The following MBTD1 variants were observed in gnomAD, a reference collection of about 807,000 sequenced individuals.
MBTD1 encodes mbt domain containing 1, also known as MBT domain-containing protein 1.
MBTD1 carries 24 observed loss-of-function variants against 87.8 expected under a neutral mutation model. That is an observed-to-expected ratio of 0.27 (90% confidence interval 0.20 to 0.38). MBTD1 has a LOEUF of 0.38. Ranked by LOEUF, MBTD1 falls within the 10% of genes least tolerant of loss-of-function variation. The probability of loss-of-function intolerance (pLI) is 1.00; values close to 1 mark genes in which losing one functional copy is unlikely to be tolerated. For synonymous variants in MBTD1, 237 were observed against 248.6 expected (o/e 0.95, Z 0.44); for missense variants, 436 against 760.2 (o/e 0.57, Z 5.02).
intron 1 of MBTD1, 150 bp downstream of exon 1, chr17:51,259,685 G>C (rs911201197): frequency 1.5e-6 from 1 of 676,244 alleles, no homozygotes; most frequent in African/African-American, 1.9e-5. Context: ...ACGGCTGGAA[G>C]GGGGAGGGGG....
chr17:51,229,464 C>T (rs533157134), intron 2 of MBTD1, among the ~76,000 whole-genome samples: 17 of 152,226 alleles, frequency 1.1e-4, no homozygotes, highest in African/African-American at 4.1e-4. Context: ...AAACCATCCA[C>T]ATGTCATTGT....
intron 3 of MBTD1, among the ~76,000 whole-genome samples, chr17:51,221,881 C>T (rs117187078): frequency 0.015 from 2,256 of 152,224 alleles, 35 homozygotes; most frequent in Non-Finnish European, 0.021. Flanking sequence ...GAACCAATCC[C>T]CCATGGATAC....
At chr17:51,258,716 G>A (rs1413741286) in intron 2 of MBTD1, among the ~76,000 whole-genome samples, 1 of 152,164 alleles carries the variant, frequency 6.6e-6, no homozygotes, top group African/African-American at 2.4e-5. Flanking sequence ...GAACCACGGA[G>A]ATGACGCTGA....
intron 6 of MBTD1, among the ~76,000 whole-genome samples, chr17:51,210,001 G>C (rs1194570159): frequency 6.6e-6 from 1 of 152,058 alleles, no homozygotes; most frequent in Non-Finnish European, 1.5e-5. Flanking sequence ...TCTCCATAAA[G>C]TCCACTCACC....
chr17:51,246,568 T>C (rs1028858506), intron 2 of MBTD1, among the ~76,000 whole-genome samples: 7 of 152,224 alleles, frequency 4.6e-5, no homozygotes, highest in Non-Finnish European at 8.8e-5. Flanking sequence ...TCACTGATTT[T>C]TCTAAGGCTT....
intron 6 of MBTD1, among the ~76,000 whole-genome samples, chr17:51,210,939 C>T (rs2052162658): frequency 6.6e-6 from 1 of 151,830 alleles, no homozygotes; most frequent in Non-Finnish European, 1.5e-5. Flanking sequence ...GAGTTCAAGA[C>T]CAGCCTGACC....
At chr17:51,182,704 T>A (rs1053319333) in intron 16 of MBTD1, among the ~76,000 whole-genome samples, 1 of 152,108 alleles carries the variant, frequency 6.6e-6, no homozygotes, top group Non-Finnish European at 1.5e-5. Context: ...AGGGTAAAAG[T>A]TCTTCATTTT....
chr17:51,179,484 TTATA>T lies in MBTD1; in HGVS notation c.*1088_*1091del, dbSNP rs56750454. 204 of 35,104 alleles carry T rather than the reference TTATA, an allele frequency of 5.8e-3. No homozygotes were observed. Among genetic ancestry groups the T allele is most frequent in the Middle Eastern group, 0.02 (1 of 50 alleles). The allele number at this position is 35,104 out of a possible 1,614,324, so 2.2% of individuals were successfully genotyped here. ...ATCCTGAATACAATTAAAGACAATT[TTATA>T]TATATATATATATATATATATATAT... is the stretch of plus-strand genomic sequence containing the variant. On this transcript the variant is annotated 3_prime_UTR_variant, in exon 17 of 17. Coordinates refer to ENST00000586178, the MANE Select transcript of MBTD1 (RefSeq NM_017643.3).
Position 51,184,139 on chromosome 17 carries a change from G to A in MBTD1, c.1769-3445C>T, listed in dbSNP as rs573224181. The A allele has an allele frequency of 2.0e-5, 3 of 152,324 alleles. No homozygotes were observed. The South Asian group carries it at 6.2e-4, about 32-fold the overall frequency. The allele number at this position is 152,324 out of a possible 1,614,324, so 9.4% of individuals were successfully genotyped here. A position where few individuals can be genotyped will look rare whatever the true frequency, so the allele number is the denominator to read the frequency against. On this transcript the variant is annotated intron_variant, in intron 16 of 16. Coordinates refer to ENST00000586178, the MANE Select transcript of MBTD1 (RefSeq NM_017643.3). ...ATAAAGGTGAAACACTCACTCAGAT[G>A]TGCAATGTTTTAATGTAAAGTTTCA...
chr17:51,192,700 T>G (rs1428329889), intron 15 of MBTD1, 82 bp downstream of exon 15: 2 of 1,573,884 alleles, frequency 1.3e-6, no homozygotes, highest in Non-Finnish European at 1.7e-6. Flanking sequence ...TCCTGTGAGC[T>G]CATAAGATGA....
intron 16 of MBTD1, among the ~76,000 whole-genome samples, chr17:51,181,021 CTTTTT>C (rs57226972): frequency 4.1e-5 from 5 of 122,748 alleles, no homozygotes; most frequent in Non-Finnish European, 1.7e-5. Flanking sequence ...GAAGTACAAT[CTTTTT>C]TTTTTTTTTT....
At chr17:51,227,303 G>A (rs961163365) in intron 2 of MBTD1, among the ~76,000 whole-genome samples, 4 of 150,444 alleles carry the variant, frequency 2.7e-5, no homozygotes, top group Non-Finnish European at 5.9e-5. Context: ...GCTCGCATCT[G>A]TAATCCTAGT....
intron 6 of MBTD1, among the ~76,000 whole-genome samples, chr17:51,210,357 G>A (rs892941569): frequency 2.0e-5 from 3 of 152,146 alleles, no homozygotes; most frequent in Non-Finnish European, 4.4e-5. Context: ...CAGATGGGGA[G>A]TCCAAGGAGA....
intron 7 of MBTD1, among the ~76,000 whole-genome samples, chr17:51,206,405 G>GCT (rs1466676612): frequency 1.3e-5 from 2 of 152,050 alleles, no homozygotes; most frequent in Non-Finnish European, 2.9e-5. Flanking sequence ...ACTGTGGCCA[G>GCT]CTCTTACCAC....
intron 2 of MBTD1, among the ~76,000 whole-genome samples, chr17:51,246,566 T>C (rs1239674408): frequency 6.6e-6 from 1 of 152,206 alleles, no homozygotes; most frequent in Non-Finnish European, 1.5e-5. Context: ...TGTCACTGAT[T>C]TTTCTAAGGC....
upstream of MBTD1, chr17:51,260,607 G>T (rs376900305): frequency 3.7e-6 from 6 of 1,612,488 alleles, no homozygotes; most frequent in African/African-American, 2.7e-5. Flanking sequence ...CGGAGGAGAC[G>T]AATGAAACTG....
rs1387364032 is a variant in MBTD1, at chr17:51,203,203, C to G, written c.765G>C (p.Trp255Cys). ...PRTIQHKYTNWKAFLVKRLTG... is the reference protein window; with the variant it reads ...PRTIQHKYTNCKAFLVKRLTG... ...TAAGTCGTTTCACTAGAAAAGCTTT[C>G]CAGTTTGTATATTTATGCTGAATAG... Residue 255 changes from tryptophan (W) to cysteine (C), a missense_variant, in exon 9 of 17, where the codon TGG becomes TGC. Transcript: ENST00000586178. 6.4e-7 allele frequency: 1 copy of G among 1,568,562 alleles called. No individual in the cohort carries two copies. The highest frequency in any genetic ancestry group is 8.6e-7 in the Non-Finnish European group (1 of 1,165,122).
At chr17:51,254,956 G>A (rs1340541088) in intron 2 of MBTD1, among the ~76,000 whole-genome samples, 1 of 152,168 alleles carries the variant, frequency 6.6e-6, no homozygotes, top group Non-Finnish European at 1.5e-5. Context: ...AATGTGGTCT[G>A]AATGATCAAA....
upstream of MBTD1, chr17:51,260,082 C>T (rs1267266135): frequency 2.9e-5 from 11 of 385,594 alleles, no homozygotes; most frequent in Admixed American, 2.7e-4. Context: ...GCGCCTGCGC[C>T]GTGACCCGCG....
Sources: allele counts gnomAD v4.1 joint callset (sites outside exome capture counted in the v4.1 genomes callset), GRCh38; gene constraint gnomAD v4.1.1; transcripts MANE v1.5; gene names NCBI Gene and HGNC (gene_info 2026-07-23, HGNC 2026-07-21).